Variants in TRIP12 observed in about 807,000 individuals in gnomAD.
The protein encoded by TRIP12 is E3 ubiquitin-protein ligase TRIP12.
Under a neutral mutation model 244.2 loss-of-function variants are expected in TRIP12, and 25 were observed. The observed-to-expected ratio is 0.10, with a 90% CI of 0.07 to 0.14. The LOEUF is 0.14. Among genes scored for constraint, TRIP12 ranks in the 10% least tolerant of loss-of-function variants. The pLI is 1.00. For missense variants in TRIP12, 1,677 were observed against 2,486.4 expected (o/e 0.67, Z 6.92); for synonymous variants, 905 against 873.1 (o/e 1.04, Z -0.64).
chr2:229,808,381 A>G lies in TRIP12; in HGVS notation c.2222-12T>C, dbSNP rs2046399408. ...CGTTTCTGCAATGTCTGTAAAAACC[A>G]ACAACAAAAAACAAAAGGCTATTAA... On this transcript the variant is annotated splice_polypyrimidine_tract_variant and intron_variant, in intron 15 of 41. Coordinates refer to ENST00000675903, the MANE Select transcript of TRIP12 (RefSeq NM_001348323.3). The G allele has an allele frequency of 6.3e-7, 1 of 1,578,036 alleles. No homozygotes were observed. Among genetic ancestry groups the G allele is most frequent in the Non-Finnish European group, 8.7e-7 (1 of 1,151,942 alleles).
intron 1 of TRIP12, among the ~76,000 whole-genome samples, chr2:229,885,499 G>T (rs575970203): frequency 1.3e-5 from 2 of 152,292 alleles, no homozygotes; most frequent in South Asian, 4.1e-4. Flanking sequence ...AGCAAGAACT[G>T]ACATCTGGAG....
chr2:229,908,732 C>CAAAA (rs957949918), intron 1 of TRIP12, among the ~76,000 whole-genome samples: 1 of 127,830 alleles, frequency 7.8e-6, no homozygotes, highest in African/African-American at 2.9e-5. Context: ...GACTCCGTCT[C>CAAAA]AAAAAAAAAA....
rs2154298612 is a variant in TRIP12 at position 229,830,747 on chromosome 2, T to C, written c.1354+9A>G. Reference sequence around the variant, plus strand: ...AATGGTTTCTTATAGGCTCAATAACTGTTTTTACCTTGCAAACGTCCCATC... The same window carrying C: ...AATGGTTTCTTATAGGCTCAATAACCGTTTTTACCTTGCAAACGTCCCATC... On this transcript the variant is annotated intron_variant, in intron 7 of 41. Transcript: ENST00000675903. The C allele has an allele frequency of 3.1e-6, 5 of 1,613,024 alleles. No homozygotes were observed. Among genetic ancestry groups the C allele is most frequent in the Non-Finnish European group, 4.2e-6 (5 of 1,179,004 alleles).
intron 2 of TRIP12, among the ~76,000 whole-genome samples, chr2:229,872,990 A>G (rs1309988425): frequency 6.6e-6 from 1 of 152,244 alleles, no homozygotes; most frequent in African/African-American, 2.4e-5. Context: ...GTTCTCCTGT[A>G]CAGTGGTACA....
At chr2:229,827,544 G>A (rs1322187926) in intron 8 of TRIP12, among the ~76,000 whole-genome samples, 4 of 151,960 alleles carry the variant, frequency 2.6e-5, no homozygotes, top group Non-Finnish European at 5.9e-5. Context: ...ACCTAGGCCT[G>A]CACGGGATGA....
chr2:229,834,378 T>G (rs2054214134), intron 6 of TRIP12, among the ~76,000 whole-genome samples: 1 of 152,206 alleles, frequency 6.6e-6, no homozygotes. Context: ...AGAAAAATAG[T>G]TCATTCCTTA....
At chr2:229,796,308 T>C (rs895067856) in intron 25 of TRIP12, among the ~76,000 whole-genome samples, 4 of 152,222 alleles carry the variant, frequency 2.6e-5, no homozygotes, top group Non-Finnish European at 2.9e-5. Context: ...TAAAATACAT[T>C]CACAGGTGAG....
chr2:229,815,245 C>T, intron 10 of TRIP12, 28 bp downstream of exon 10: 3 of 1,541,012 alleles, frequency 1.9e-6, no homozygotes, highest in Non-Finnish European at 2.7e-6. Flanking sequence ...TAAATATACA[C>T]CATTAAAAAA....
At chr2:229,895,150 A>G (rs554641645) in intron 1 of TRIP12, among the ~76,000 whole-genome samples, 1 of 152,336 alleles carries the variant, frequency 6.6e-6, no homozygotes, top group African/African-American at 2.4e-5. Flanking sequence ...AAGATAAATG[A>G]AACAGAAAAA....
At chr2:229,799,556 C>T (rs994311305) in intron 21 of TRIP12, among the ~76,000 whole-genome samples, 173 bp from the exon 22 acceptor site, 11 of 152,052 alleles carry the variant, frequency 7.2e-5, no homozygotes, top group Non-Finnish European at 1.5e-4. Context: ...GCGGGCAGAT[C>T]ACGAGGTCAG....
chr2:229,896,576 C>T (rs2068892101), intron 1 of TRIP12, among the ~76,000 whole-genome samples: 2 of 152,056 alleles, frequency 1.3e-5, no homozygotes, highest in East Asian at 1.9e-4. Context: ...GGCGCCACTG[C>T]ACTCCACCCT....
chr2:229,880,158 T>C, intron 1 of TRIP12, 30 bp from the exon 2 acceptor site: 4 of 1,335,236 alleles, frequency 3.0e-6, no homozygotes, highest in Non-Finnish European at 4.2e-6. Context: ...ACAAAATTTA[T>C]CAGATGTACA....
At position 229,880,067 on chromosome 2, in the gene TRIP12, G is replaced by T; in HGVS notation, c.13C>A (p.Pro5Thr). The T allele has an allele frequency of 1.2e-6, 2 of 1,613,984 alleles. No homozygotes were observed. Among genetic ancestry groups the T allele is most frequent in the Non-Finnish European group, 1.7e-6 (2 of 1,180,002 alleles). Residue 5 changes from proline to threonine, a missense_variant, in exon 2 of 42, where the codon CCT becomes ACT. Pro to Thr is a conservative substitution (Grantham distance 38). This residue lies in a region of TRIP12 where 387 missense variants were observed against 392.6 expected (regional missense o/e 0.99). Coordinates refer to ENST00000675903, the MANE Select transcript of TRIP12 (RefSeq NM_001348323.3). MSNR[P>T]NNNPGGSLRR... ...AGTGACCCCCCTGGATTGTTATTAG[G>T]CCGGTTGGACATTGGCACCTCTCTC...
intron 27 of TRIP12, 91 bp from the exon 28 acceptor site, chr2:229,792,317 G>C: frequency 8.1e-7 from 1 of 1,229,200 alleles, no homozygotes; most frequent in Non-Finnish European, 1.2e-6. Flanking sequence ...CATATTCTTA[G>C]AAAACACATA....
At chr2:229,809,172 G>A (rs2046628121) in intron 15 of TRIP12, among the ~76,000 whole-genome samples, 1 of 152,028 alleles carries the variant, frequency 6.6e-6, no homozygotes, top group Non-Finnish European at 1.5e-5. Flanking sequence ...TTAATGATTT[G>A]GGCAGAGATG....
chr2:229,859,098 G>A lies in TRIP12; in HGVS notation c.701C>T (p.Thr234Ile). 1 of 1,614,214 alleles carries A rather than the reference G, an allele frequency of 6.2e-7. No homozygotes were observed. Among genetic ancestry groups the A allele is most frequent in the South Asian group, 1.1e-5 (1 of 91,082 alleles). ...GGCAGCAGAAGAAGAATCAGTGATG[G>A]TGCTACACCCAGCTTTGGCTGAGGT... ...SATSAKAGCSTITDSSSAAST... is the reference protein window; with the variant it reads ...SATSAKAGCSIITDSSSAAST... Residue 234 changes from threonine to isoleucine, a missense_variant, in exon 4 of 42, where the codon ACC becomes ATC. Coordinates refer to ENST00000675903, the MANE Select transcript of TRIP12 (RefSeq NM_001348323.3).
At chr2:229,826,299 T>C (rs2051569396) in intron 8 of TRIP12, among the ~76,000 whole-genome samples, 1 of 152,188 alleles carries the variant, frequency 6.6e-6, no homozygotes, top group Non-Finnish European at 1.5e-5. Context: ...GAACACACTA[T>C]GACTTTTCAA....
In TRIP12 at chr2:229,798,917, C is replaced by T; in HGVS notation, c.3440G>A (p.Gly1147Asp). The part of the protein sequence containing the change: ...IEPARTAGGS[G>D]LARAASKDTI... Reference sequence around the variant, plus strand: ...ATCCTTTGAGGCAGCCCTGGCAAGGCCACTACCTCCCGCAGTCCGTGCTGG... The same window carrying T: ...ATCCTTTGAGGCAGCCCTGGCAAGGTCACTACCTCCCGCAGTCCGTGCTGG... The change falls in exon 23 of 42, where the codon GGC (glycine) becomes GAC (aspartate). Residue 1147 changes from glycine to aspartate, a missense_variant. Physicochemically the swap from Gly to Asp is moderately conservative, Grantham distance 94. Coordinates refer to ENST00000675903, the MANE Select transcript of TRIP12 (RefSeq NM_001348323.3). 1 of 1,614,212 alleles carries T rather than the reference C, an allele frequency of 6.2e-7. No individual in the cohort carries two copies. Among genetic ancestry groups the T allele is most frequent in the Non-Finnish European group, 8.5e-7 (1 of 1,180,036 alleles).
intron 2 of TRIP12, among the ~76,000 whole-genome samples, chr2:229,872,906 C>T (rs2062937835): frequency 6.6e-6 from 1 of 152,182 alleles, no homozygotes; most frequent in African/African-American, 2.4e-5. Context: ...TTCTCCAAGC[C>T]AGCCTTTAAG....
Sources: gnomAD v4.1 joint callset for allele counts (sites outside exome capture counted in the v4.1 genomes callset) on GRCh38, gnomAD v4.1.1 for gene constraint, gnomAD v4.1.1 regional missense constraint, MANE v1.5 for transcripts, NCBI Gene and HGNC (gene_info 2026-07-23, HGNC 2026-07-21) for gene names.